SCHIP1: variants seen among roughly 807,000 people sequenced by gnomAD.
SCHIP1 encodes the protein schwannomin-interacting protein 1.
A neutral mutation model predicts 29.7 loss-of-function variants in SCHIP1; 8 were observed. That is an observed-to-expected ratio of 0.27 (90% CI 0.16 to 0.49). The LOEUF (loss-of-function observed/expected upper bound fraction) is 0.49. Ranked by LOEUF, SCHIP1 falls within the 20% of genes least tolerant of loss-of-function variation. SCHIP1 has a pLI of 0.99. For missense variants in SCHIP1, 193 were observed against 294.6 expected, an observed-to-expected ratio of 0.66 and a Z score of 2.52; for synonymous variants, 76 against 94.9, an observed-to-expected ratio of 0.80 and a Z score of 1.16.
At chr3:159,776,332 CTT>C in the SCHIP1 span, among the ~76,000 whole-genome samples, 2 of 135,448 alleles carry the variant, frequency 1.5e-5, no homozygotes, top group African/African-American at 2.9e-5. Context: ...AGTGTTCTGT[CTT>C]TTTTTTTTTT....
At chr3:159,524,337 G>A in the SCHIP1 span, among the ~76,000 whole-genome samples, 926 of 152,316 alleles carry the variant, frequency 6.1e-3, 4 homozygotes, top group African/African-American at 0.021. Context: ...CTAGAACTGT[G>A]TGTAATCCTT....
chr3:159,784,208 T>C, the SCHIP1 span, among the ~76,000 whole-genome samples: 1 of 152,246 alleles, frequency 6.6e-6, no homozygotes, highest in South Asian at 2.1e-4. Context: ...TCAAATATGG[T>C]TTGCACCTTT....
chr3:159,353,022 C>A, the SCHIP1 span, among the ~76,000 whole-genome samples: 1 of 152,080 alleles, frequency 6.6e-6, no homozygotes, highest in Non-Finnish European at 1.5e-5. Context: ...GGGAGGAAGA[C>A]CACCTGTTCA....
chr3:159,368,636 CT>C, the SCHIP1 span, among the ~76,000 whole-genome samples: 1 of 152,150 alleles, frequency 6.6e-6, no homozygotes, highest in African/African-American at 2.4e-5. Context: ...GCCTTTGCCC[CT>C]AACAGTAACA....
the SCHIP1 span, among the ~76,000 whole-genome samples, chr3:159,337,733 A>C: frequency 6.6e-6 from 1 of 152,196 alleles, no homozygotes; most frequent in African/African-American, 2.4e-5. Flanking sequence ...TCCACCAAGA[A>C]ATCTTTGAAC....
At chr3:159,798,100 G>A in the SCHIP1 span, among the ~76,000 whole-genome samples, 1 of 152,164 alleles carries the variant, frequency 6.6e-6, no homozygotes, top group Non-Finnish European at 1.5e-5. Context: ...CTCTATTTTG[G>A]TTTTGGTCTG....
At chr3:159,544,717 G>A in the SCHIP1 span, among the ~76,000 whole-genome samples, 3 of 152,080 alleles carry the variant, frequency 2.0e-5, no homozygotes, top group South Asian at 2.1e-4. Context: ...TTATTGATAT[G>A]TAGGAATTCA....
the SCHIP1 span, among the ~76,000 whole-genome samples, chr3:159,315,482 C>G: frequency 6.6e-6 from 1 of 150,908 alleles, no homozygotes; most frequent in African/African-American, 2.4e-5. Flanking sequence ...CCCACCTCAG[C>G]CTCCCAAAGT....
At chr3:159,454,250 A>G in the SCHIP1 span, among the ~76,000 whole-genome samples, 1 of 152,174 alleles carries the variant, frequency 6.6e-6, no homozygotes, top group South Asian at 2.1e-4. Flanking sequence ...GGATTTTTCA[A>G]AACTACTCCT....
At chr3:159,393,540 A>G in the SCHIP1 span, among the ~76,000 whole-genome samples, 1 of 151,752 alleles carries the variant, frequency 6.6e-6, no homozygotes, top group South Asian at 2.1e-4. Context: ...ATGGCTAGCC[A>G]GTTTTCCCAG....
the SCHIP1 span, among the ~76,000 whole-genome samples, chr3:159,575,817 A>G: frequency 6.6e-6 from 1 of 152,092 alleles, no homozygotes; most frequent in African/African-American, 2.4e-5. Flanking sequence ...AGCTTTGATC[A>G]TCCTCCTTCC....
At chr3:159,605,759 A>G in the SCHIP1 span, among the ~76,000 whole-genome samples, 1 of 152,198 alleles carries the variant, frequency 6.6e-6, no homozygotes, top group African/African-American at 2.4e-5. Flanking sequence ...TTAATTGAGG[A>G]TAACAATTCT....
chr3:159,286,726 C>T, the SCHIP1 span, among the ~76,000 whole-genome samples: 1 of 152,170 alleles, frequency 6.6e-6, no homozygotes, highest in Non-Finnish European at 1.5e-5. Context: ...TGCAATCTTA[C>T]CAGCACCTGT....
At chr3:159,309,548 G>C in the SCHIP1 span, among the ~76,000 whole-genome samples, 1 of 152,044 alleles carries the variant, frequency 6.6e-6, no homozygotes, top group East Asian at 1.9e-4. Flanking sequence ...TGATGATAAC[G>C]ATGGTGTTGC....
chr3:159,651,388 C>G, the SCHIP1 span, among the ~76,000 whole-genome samples: 2 of 152,100 alleles, frequency 1.3e-5, no homozygotes, highest in Admixed American at 6.6e-5. Flanking sequence ...AGAAGTGTCC[C>G]CATGCACTTG....
the SCHIP1 span, among the ~76,000 whole-genome samples, chr3:159,463,947 A>G: frequency 6.6e-6 from 1 of 152,132 alleles, no homozygotes. Context: ...ATGTGCTATC[A>G]TCATTTAACC....
chr3:159,396,066 A>G, the SCHIP1 span, among the ~76,000 whole-genome samples: 1 of 146,510 alleles, frequency 6.8e-6, no homozygotes, highest in Non-Finnish European at 1.5e-5. Flanking sequence ...TCCCTTTACC[A>G]TTATGTAATG....
chr3:159,298,949 C>T, the SCHIP1 span, among the ~76,000 whole-genome samples: 1 of 152,148 alleles, frequency 6.6e-6, no homozygotes, highest in Admixed American at 6.5e-5. Flanking sequence ...CCTCTTGCAT[C>T]TCTGTAAAGC....
the SCHIP1 span, among the ~76,000 whole-genome samples, chr3:159,429,492 G>T: frequency 2.0e-5 from 3 of 152,122 alleles, no homozygotes; most frequent in East Asian, 1.9e-4. Flanking sequence ...TATCCTATTT[G>T]TATTTGCCTT....
Sources: gnomAD v4.1 joint callset for allele counts (sites outside exome capture counted in the v4.1 genomes callset) on GRCh38, gnomAD v4.1.1 for gene constraint, MANE v1.5 for transcripts, NCBI Gene and HGNC (gene_info 2026-07-23, HGNC 2026-07-21) for gene names.